ZNF217: variants seen among roughly 807,000 people sequenced by gnomAD.
ZNF217 encodes the protein zinc finger protein 217.
ZNF217 carries 12 observed loss-of-function variants against 73.3 expected under a neutral mutation model. That is an observed-to-expected ratio of 0.16 (90% CI 0.10 to 0.27). ZNF217 has a LOEUF of 0.27. Among genes scored for constraint, ZNF217 ranks in the 10% least tolerant of loss-of-function variants. ZNF217 has a pLI of 1.00. For missense variants in ZNF217, 1,195 were observed against 1,327.8 expected (o/e 0.90, Z 1.55); for synonymous variants, 588 against 516.4 (o/e 1.14, Z -1.88).
chr20:53,568,961 G>T lies in ZNF217; in HGVS notation c.*327C>A. On this transcript the variant is annotated 3_prime_UTR_variant, in exon 6 of 6. Transcript: ENST00000371471. ...ACCCAAATGATTTCTTTTCAGCAGC[G>T]CTCAAGTATGCAAAAATTCCACTTC... is the stretch of plus-strand genomic sequence containing the variant. The T allele has an allele frequency of 5.8e-6, 1 of 173,422 alleles. No individual in the cohort carries two copies. The allele number at this position is 173,422 out of a possible 1,614,324, so 10.7% of individuals were successfully genotyped here. A position where few individuals can be genotyped will look rare whatever the true frequency, so the allele number is the denominator to read the frequency against.
intron 2 of ZNF217, among the ~76,000 whole-genome samples, chr20:53,580,925 T>C (rs765625560): frequency 6.6e-6 from 1 of 152,178 alleles, no homozygotes; most frequent in Non-Finnish European, 1.5e-5. Context: ...AAGTGAAGGC[T>C]AGGGTCTCTC....
At chr20:53,573,238 C>T (rs1988096298) in intron 4 of ZNF217, among the ~76,000 whole-genome samples, 1 of 151,630 alleles carries the variant, frequency 6.6e-6, no homozygotes, top group Non-Finnish European at 1.5e-5. Flanking sequence ...ATTCTCTTGC[C>T]TCAGCCTCTG....
chr20:53,592,911 T>C (rs1988932423), intron 1 of ZNF217, among the ~76,000 whole-genome samples: 1 of 151,888 alleles, frequency 6.6e-6, no homozygotes, highest in African/African-American at 2.4e-5. Flanking sequence ...TCCTGCCCTT[T>C]AGAGTTCCCA....
At chr20:53,577,482 T>C (rs182575495) in intron 3 of ZNF217, among the ~76,000 whole-genome samples, 1 of 152,346 alleles carries the variant, frequency 6.6e-6, no homozygotes, top group Admixed American at 6.5e-5. Context: ...ATAGAAAAAT[T>C]AACAGCAACA....
chr20:53,593,777 C>A lies in ZNF217; in HGVS notation c.-364G>T, dbSNP rs1407958574. The A allele has an allele frequency of 6.6e-6, 1 of 150,466 alleles. No homozygotes were observed. Among genetic ancestry groups the A allele is most frequent in the Non-Finnish European group, 1.5e-5 (1 of 67,582 alleles). The allele number at this position is 150,466 out of a possible 1,614,324, so 9.3% of individuals were successfully genotyped here. A position where few individuals can be genotyped will look rare whatever the true frequency, so the allele number is the denominator to read the frequency against. On this transcript the variant is annotated 5_prime_UTR_variant, in exon 1 of 6. An upstream start codon of the reference 5' UTR is lost. Coordinates refer to ENST00000371471, the MANE Select transcript of ZNF217 (RefSeq NM_006526.3). ...TTACCTGCGGCTCCGGCTCCTCGGC[C>A]ATTTCCTCGCGCGGCGGCGGCCGGG...
At position 53,581,316 on chromosome 20, in the gene ZNF217, G is replaced by A; in HGVS notation, c.1366+145C>T. ...AGAGGTTAAATGACTTACACAGAGT[G>A]ATACCAAAAAGAGCCTGGACTTGAC... On this transcript the variant is annotated intron_variant, in intron 2 of 5. Coordinates refer to ENST00000371471, the MANE Select transcript of ZNF217 (RefSeq NM_006526.3). This position sits in a 1 kb window ranked among gnomAD's most constrained non-coding sequence, Gnocchi z 4.9. 1 of 1,138,610 alleles carries A rather than the reference G, an allele frequency of 8.8e-7. No homozygotes were observed. Among genetic ancestry groups the A allele is most frequent in the Non-Finnish European group, 1.2e-6 (1 of 823,290 alleles). 70.5% of individuals were successfully genotyped at this position (1,138,610 alleles called of 1,614,324 possible).
chr20:53,585,704 A>G (rs1167173391), intron 1 of ZNF217, among the ~76,000 whole-genome samples: 1 of 152,222 alleles, frequency 6.6e-6, no homozygotes, highest in Non-Finnish European at 1.5e-5. Context: ...AAGACCTTGT[A>G]GGATTATTTC....
At chr20:53,587,186 C>A (rs1306879956) in intron 1 of ZNF217, among the ~76,000 whole-genome samples, 1 of 152,132 alleles carries the variant, frequency 6.6e-6, no homozygotes, top group Non-Finnish European at 1.5e-5. Context: ...AGAGCGTAAT[C>A]TTTGAAATCC....
At chr20:53,580,610 C>T (rs191904194) in intron 2 of ZNF217, among the ~76,000 whole-genome samples, 1 of 152,298 alleles carries the variant, frequency 6.6e-6, no homozygotes, top group East Asian at 1.9e-4. Flanking sequence ...TGTGAGCATG[C>T]CTTCAGTGAT....
chr20:53,570,117 T>C (rs964119799), intron 5 of ZNF217, among the ~76,000 whole-genome samples: 1 of 152,174 alleles, frequency 6.6e-6, no homozygotes, highest in Non-Finnish European at 1.5e-5. Flanking sequence ...CTACTACTGA[T>C]CAGTTGTAAT....
rs939659139 is a variant in ZNF217, at chr20:53,567,852, T to A, written c.*1436A>T. On this transcript the variant is annotated 3_prime_UTR_variant, in exon 6 of 6. Transcript: ENST00000371471. ...TAATTTAAAAAAAAAAAATTTTTTC[T>A]AGGATTACCCTTGCTCTATGGAGAA... is the stretch of plus-strand genomic sequence containing the variant. 1.3e-5 allele frequency: 2 copies of A among 152,534 alleles called. No individual in the cohort carries two copies. Among genetic ancestry groups the A allele is most frequent in the African/African-American group, 4.8e-5 (2 of 41,434 alleles). The allele number at this position is 152,534 out of a possible 1,614,324, so 9.4% of individuals were successfully genotyped here. A position where few individuals can be genotyped will look rare whatever the true frequency, so the allele number is the denominator to read the frequency against.
chr20:53,585,727 G>A (rs1475466069), intron 1 of ZNF217, among the ~76,000 whole-genome samples: 1 of 152,162 alleles, frequency 6.6e-6, no homozygotes, highest in African/African-American at 2.4e-5. Flanking sequence ...TGCGGTGAAG[G>A]ACAATGAAGG....
intron 1 of ZNF217, among the ~76,000 whole-genome samples, chr20:53,592,617 C>A (rs1261022263): frequency 6.6e-6 from 1 of 151,378 alleles, no homozygotes; most frequent in Non-Finnish European, 1.5e-5. Flanking sequence ...CTCAAACTCC[C>A]GGGACCCAGG....
chr20:53,582,661 C>T lies in ZNF217; in HGVS notation c.166G>A (p.Val56Ile), dbSNP rs751161869. The T allele has an allele frequency of 2.5e-6, 4 of 1,614,182 alleles. No individual in the cohort carries two copies. The change falls in exon 2 of 6, where the codon GTC becomes ATC. Residue 56 changes from valine to isoleucine, a missense_variant. Around this residue, in one of 9 missense-constraint regions of ZNF217, gnomAD observed 147 missense variants for 184.3 expected, o/e 0.80. Transcript: ENST00000371471. This position sits in a 1 kb window ranked among gnomAD's most constrained non-coding sequence, Gnocchi z 4.8. ...GGCATATACCCCTCGATTTGGATGACATTTTTTTCTTGTGTAGCTCGGAAT... is the reference window on the plus strand; with the variant it reads ...GGCATATACCCCTCGATTTGGATGATATTTTTTTCTTGTGTAGCTCGGAAT... ...VPFRATQEKN[V>I]IQIEGYMPLD...
upstream of ZNF217, among the ~76,000 whole-genome samples, chr20:53,596,601 C>G (rs1187223644): frequency 6.6e-6 from 1 of 152,100 alleles, no homozygotes; most frequent in Non-Finnish European, 1.5e-5. Context: ...AATATGGAAA[C>G]TCCAAAAGTA....
intron 3 of ZNF217, 91 bp from the exon 4 acceptor site, chr20:53,577,371 C>T: frequency 2.6e-6 from 3 of 1,172,004 alleles, no homozygotes; most frequent in Non-Finnish European, 3.5e-6. Flanking sequence ...AGGCTTCTTT[C>T]CTCCTTTTGC....
intron 4 of ZNF217, chr20:53,572,547 A>C (rs1024795993): frequency 9.2e-5 from 14 of 152,194 alleles, no homozygotes; most frequent in African/African-American, 3.4e-4. Flanking sequence ...TTTTAACCAA[A>C]AGGCAGTAAA....
At chr20:53,571,912 T>A in intron 4 of ZNF217, 59 bp from the exon 5 acceptor site, 3 of 1,512,698 alleles carry the variant, frequency 2.0e-6, no homozygotes, top group Non-Finnish European at 1.8e-6. Flanking sequence ...AAGATGTGTA[T>A]AGGTTTTTAG....
chr20:53,578,130 A>G (rs1282775193), intron 3 of ZNF217, among the ~76,000 whole-genome samples: 1 of 152,166 alleles, frequency 6.6e-6, no homozygotes, highest in Non-Finnish European at 1.5e-5. Context: ...AAAAAGAAAG[A>G]AAAGAAATGA....
Sources: gnomAD v4.1 joint callset for allele counts (sites outside exome capture counted in the v4.1 genomes callset) on GRCh38, gnomAD v4.1.1 for gene constraint, gnomAD v4.1.1 regional missense constraint, Gnocchi (gnomAD v3.1) non-coding constraint, MANE v1.5 for transcripts, NCBI Gene and HGNC (gene_info 2026-07-23, HGNC 2026-07-21) for gene names.